The following LINGO2 variants were observed in gnomAD, a reference collection of about 807,000 sequenced individuals.
The protein encoded by LINGO2 is leucine-rich repeat and immunoglobulin-like domain-containing nogo receptor-interacting protein 2.
In LINGO2, 14 loss-of-function variants were observed where a neutral mutation model predicts 30.6. The observed-to-expected ratio is 0.46, with a 90% CI of 0.30 to 0.72. The LOEUF is 0.72. LINGO2 is among the 30% of genes least tolerant of loss of function. The pLI is 0.07. For synonymous variants in LINGO2, 317 were observed against 288.5 expected (o/e 1.10, Z -1.00); for missense variants, 729 against 751.7 (o/e 0.97, Z 0.35).
chr9:28,422,927 A>C (rs1265208988), intron 2 of LINGO2, among the ~76,000 whole-genome samples: 1 of 152,114 alleles, frequency 6.6e-6, no homozygotes. Flanking sequence ...CTAGTCACAA[A>C]AGGACAAATA....
chr9:27,954,951 G>C (rs1819494773), intron 5 of LINGO2, among the ~76,000 whole-genome samples: 1 of 151,976 alleles, frequency 6.6e-6, no homozygotes, highest in South Asian at 2.1e-4. Context: ...TTCTAACTGG[G>C]GTAAGATGAT....
At chr9:28,230,357 T>C (rs999582740) in intron 4 of LINGO2, among the ~76,000 whole-genome samples, 1 of 151,900 alleles carries the variant, frequency 6.6e-6, no homozygotes, top group Non-Finnish European at 1.5e-5. Context: ...CAGATGTAAT[T>C]ACAATCAAAT....
chr9:29,084,740 CA>C, the LINGO2 span, among the ~76,000 whole-genome samples: 1 of 151,922 alleles, frequency 6.6e-6, no homozygotes, highest in Non-Finnish European at 1.5e-5. Flanking sequence ...TTACTCTGAA[CA>C]CCTCTCTTCT....
the LINGO2 span, among the ~76,000 whole-genome samples, chr9:28,723,737 C>A: frequency 0.011 from 1,692 of 152,196 alleles, 9 homozygotes; most frequent in Middle Eastern, 0.017. Context: ...TCCTAGAGAT[C>A]AGCCACTCTT....
intron 4 of LINGO2, among the ~76,000 whole-genome samples, chr9:28,073,106 C>T (rs530043631): frequency 1.7e-4 from 26 of 152,078 alleles, no homozygotes; most frequent in African/African-American, 4.1e-4. Flanking sequence ...ACCAACTAGA[C>T]GGTGTGTCCA....
At chr9:28,919,245 C>A in the LINGO2 span, among the ~76,000 whole-genome samples, 1 of 152,086 alleles carries the variant, frequency 6.6e-6, no homozygotes, top group African/African-American at 2.4e-5. Flanking sequence ...TTCCATTTAA[C>A]CTATCATGCA....
the LINGO2 span, among the ~76,000 whole-genome samples, chr9:28,958,267 T>C: frequency 2.0e-5 from 3 of 152,178 alleles, no homozygotes; most frequent in Non-Finnish European, 4.4e-5. Context: ...CCTCAGCAGG[T>C]AGAATGTGAA....
the LINGO2 span, among the ~76,000 whole-genome samples, chr9:28,834,751 T>C: frequency 6.6e-6 from 1 of 152,312 alleles, no homozygotes; most frequent in East Asian, 1.9e-4. Context: ...AATCTGCCAT[T>C]GAGCTGACAG....
chr9:28,526,681 C>T (rs1564267226), intron 1 of LINGO2, among the ~76,000 whole-genome samples: 3 of 152,056 alleles, frequency 2.0e-5, no homozygotes, highest in Non-Finnish European at 4.4e-5. Flanking sequence ...ACCTTTTGGC[C>T]AAATGGAAAC....
At chr9:28,308,405 C>T (rs1451530249) in intron 3 of LINGO2, among the ~76,000 whole-genome samples, 10 of 139,088 alleles carry the variant, frequency 7.2e-5, no homozygotes, top group Non-Finnish European at 1.3e-4. Flanking sequence ...TGGATCCCTT[C>T]CTTACACCTT....
the LINGO2 span, among the ~76,000 whole-genome samples, chr9:28,804,364 T>A: frequency 6.6e-6 from 1 of 152,206 alleles, no homozygotes; most frequent in South Asian, 2.1e-4. Flanking sequence ...AAGTGAAGTT[T>A]AGATGTTAAT....
chr9:29,086,738 T>C, the LINGO2 span, among the ~76,000 whole-genome samples: 1 of 152,192 alleles, frequency 6.6e-6, no homozygotes, highest in South Asian at 2.1e-4. Flanking sequence ...AGATAAGATA[T>C]ATGAGTTCAT....
intron 4 of LINGO2, among the ~76,000 whole-genome samples, chr9:28,158,253 A>C (rs1437200345): frequency 6.6e-6 from 1 of 152,046 alleles, no homozygotes; most frequent in South Asian, 2.1e-4. Flanking sequence ...ATCTCATGAG[A>C]CTTATTCGCT....
chr9:27,939,687 G>A, the LINGO2 span: 1 of 152,206 alleles, frequency 6.6e-6, no homozygotes, highest in Non-Finnish European at 1.5e-5. Context: ...TGTATAGAAT[G>A]GATGTAACCT....
intron 3 of LINGO2, among the ~76,000 whole-genome samples, chr9:28,368,601 T>C (rs963333805): frequency 1.4e-5 from 2 of 142,566 alleles, no homozygotes; most frequent in East Asian, 4.1e-4. Flanking sequence ...TTTCTTTTTT[T>C]TTTTTTTCTT....
At chr9:28,260,964 G>A (rs1004483320) in intron 4 of LINGO2, among the ~76,000 whole-genome samples, 5 of 151,820 alleles carry the variant, frequency 3.3e-5, no homozygotes, top group Non-Finnish European at 7.4e-5. Context: ...AGAAATCTTG[G>A]TCTGTGTGCT....
chr9:29,068,536 T>C, the LINGO2 span, among the ~76,000 whole-genome samples: 3 of 151,960 alleles, frequency 2.0e-5, no homozygotes, highest in Non-Finnish European at 2.9e-5. Context: ...TTTCTCCTTA[T>C]ATGCACCAAG....
At chr9:28,467,518 A>G (rs1333020026) in intron 2 of LINGO2, among the ~76,000 whole-genome samples, 1 of 152,216 alleles carries the variant, frequency 6.6e-6, no homozygotes, top group Non-Finnish European at 1.5e-5. Flanking sequence ...TCTAAAATGA[A>G]CCACAATTCC....
chr9:28,039,984 A>G (rs1326998427), intron 4 of LINGO2, among the ~76,000 whole-genome samples: 2 of 152,156 alleles, frequency 1.3e-5, no homozygotes, highest in Non-Finnish European at 2.9e-5. Context: ...AAAACAAACT[A>G]TTAAAACATG....
Sources: allele counts gnomAD v4.1 joint callset (sites outside exome capture counted in the v4.1 genomes callset), GRCh38; gene constraint gnomAD v4.1.1; transcripts MANE v1.5; gene names NCBI Gene and HGNC (gene_info 2026-07-23, HGNC 2026-07-21).